The following PABPC4 variants were observed in gnomAD, a reference collection of about 807,000 sequenced individuals.
PABPC4 encodes the protein poly(A) binding protein cytoplasmic 4.
PABPC4 carries 15 observed loss-of-function variants against 74.5 expected under a neutral mutation model. The ratio of observed to expected loss-of-function variants is 0.20; its 90% confidence interval spans 0.13 to 0.31. The LOEUF is 0.31. Among genes scored for constraint, PABPC4 ranks in the 10% least tolerant of loss-of-function variants. PABPC4 has a pLI of 1.00. For missense variants in PABPC4, 610 were observed against 853.5 expected (o/e 0.71, Z 3.55); for synonymous variants, 345 against 303.0 (o/e 1.14, Z -1.44).
chr1:39,565,407 A>G, intron 7 of PABPC4, 29 bp from the exon 8 acceptor site: 2 of 1,591,674 alleles, frequency 1.3e-6, no homozygotes, highest in Non-Finnish European at 1.7e-6. Flanking sequence ...TACTTAAGAA[A>G]TAAGGTGTCC....
At chr1:39,569,048 T>C in intron 5 of PABPC4, 109 bp from the exon 6 acceptor site, 1 of 1,127,980 alleles carries the variant, frequency 8.9e-7, no homozygotes, top group Non-Finnish European at 1.3e-6. Context: ...AAAACTAAAT[T>C]CACTCCACCT....
intron 4 of PABPC4, 35 bp downstream of exon 4, chr1:39,569,828 T>C (rs748873176): frequency 1.2e-6 from 2 of 1,611,938 alleles, no homozygotes; most frequent in Non-Finnish European, 8.5e-7. Flanking sequence ...ATGGGTCTGG[T>C]AGACTGTGAA....
intron 12 of PABPC4, chr1:39,562,661 C>T (rs762167478): frequency 5.1e-5 from 22 of 429,284 alleles, no homozygotes; most frequent in Non-Finnish European, 3.7e-5. Flanking sequence ...CGAAGTGAAA[C>T]GTAAATAATA....
At chr1:39,574,499 CAA>C (rs1352190514) in intron 1 of PABPC4, among the ~76,000 whole-genome samples, 8 of 152,176 alleles carry the variant, frequency 5.3e-5, no homozygotes, top group Non-Finnish European at 4.4e-5. Context: ...GACTTTTGTT[CAA>C]AAGTCAGTAA....
At position 39,568,957 on chromosome 1, in the gene PABPC4, G is replaced by A; in HGVS notation, c.739-18C>T. On this transcript the variant is annotated intron_variant, in intron 5 of 15. Transcript: ENST00000372858. ...TCCACAGCCTAGAGAGGAAAAATAT[G>A]TCTTTAAAATAAAGTTGCAGCGATG... The A allele has an allele frequency of 6.2e-7, 1 of 1,600,486 alleles. No homozygotes were observed. The highest frequency in any genetic ancestry group is 8.5e-7 in the Non-Finnish European group (1 of 1,175,238).
At chr1:39,575,172 A>C (rs984541468) in intron 1 of PABPC4, among the ~76,000 whole-genome samples, 3 of 152,212 alleles carry the variant, frequency 2.0e-5, no homozygotes, top group Non-Finnish European at 4.4e-5. Context: ...GCAAACACAC[A>C]GACCAAGGAG....
At position 39,562,208 on chromosome 1, in the gene PABPC4, G is replaced by T; in HGVS notation, c.1763-5C>A. 1 of 1,614,070 alleles carries T rather than the reference G, an allele frequency of 6.2e-7. No individual in the cohort carries two copies. On this transcript the variant is annotated splice_polypyrimidine_tract_variant and splice_region_variant and intron_variant, in intron 13 of 15. Transcript: ENST00000372858. ...TGAGTGGGAACAAGCGTTCTCCTAT[G>T]GGGAGGATAGTTAATAAAAAAACAA...
chr1:39,564,436 G>T lies in PABPC4; in HGVS notation c.1440C>A (p.Thr480=). 1 of 1,613,924 alleles carries T rather than the reference G, an allele frequency of 6.2e-7. No individual in the cohort carries two copies. Among genetic ancestry groups the T allele is most frequent in the Middle Eastern group, 1.7e-4 (1 of 5,856 alleles). Residue 480 remains threonine (T), a synonymous_variant, in exon 10 of 16, where the codon ACC becomes ACA. Transcript: ENST00000372858. ...NAPASRGLPT[T]TQRVGSECPD... is the part of the protein sequence containing the mutation. ...CAGTTTGCTCACCGACTCTCTGAGT[G>T]GTAGTAGGGAGGCCACGAGAGGCCG...
intron 2 of PABPC4, 74 bp downstream of exon 2, chr1:39,572,319 T>C: frequency 2.6e-6 from 3 of 1,140,530 alleles, no homozygotes; most frequent in South Asian, 1.4e-5. Flanking sequence ...TCCAAGATAG[T>C]TCTCTGTTTG....
chr1:39,563,905 G>A lies in PABPC4; in HGVS notation c.1471C>T (p.Arg491Cys), dbSNP rs1645797827. The change falls in exon 11 of 16, where the codon CGC (arginine) becomes TGC (cysteine). Residue 491 changes from arginine (R) to cysteine (C), a missense_variant. Transcript: ENST00000372858. ...TQRVGSECPD[R>C]LAMDFGGAGA... is the part of the protein sequence containing the mutation. ...GCCCCACCAAAGTCCATAGCCAAGC[G>A]GTCCGGGCACTCAGACCCTACAACA... 10 of 1,614,074 alleles carry A rather than the reference G, an allele frequency of 6.2e-6. No homozygotes were observed. Among genetic ancestry groups the A allele is most frequent in the Non-Finnish European group, 8.5e-6 (10 of 1,180,058 alleles).
intron 1 of PABPC4, among the ~76,000 whole-genome samples, chr1:39,574,305 T>C (rs986263419): frequency 1.3e-5 from 2 of 152,188 alleles, no homozygotes; most frequent in African/African-American, 4.8e-5. Flanking sequence ...ACTATTTCAT[T>C]AATTAGCAGT....
intron 2 of PABPC4, 36 bp downstream of exon 2, chr1:39,572,353 CAATT>C (rs1570397241): frequency 1.4e-6 from 2 of 1,396,606 alleles, no homozygotes; most frequent in East Asian, 4.6e-5. Flanking sequence ...TTTCAAGAAT[CAATT>C]AATTATTCTG....
At chr1:39,565,465 G>T in intron 7 of PABPC4, 87 bp from the exon 8 acceptor site, 1 of 1,391,280 alleles carries the variant, frequency 7.2e-7, no homozygotes, top group Non-Finnish European at 9.8e-7. Flanking sequence ...ACTTTGGAAG[G>T]CTGAGGTGGG....
intron 7 of PABPC4, among the ~76,000 whole-genome samples, chr1:39,565,824 T>G (rs1645828781): frequency 7.2e-6 from 1 of 139,848 alleles, no homozygotes; most frequent in African/African-American, 2.8e-5. Context: ...CGAGACTCCA[T>G]CTCCAAAACA....
At chr1:39,565,752 C>T (rs768865624) in intron 7 of PABPC4, among the ~76,000 whole-genome samples, 7 of 152,070 alleles carry the variant, frequency 4.6e-5, no homozygotes, top group Admixed American at 3.9e-4. Flanking sequence ...CGCTTCAACC[C>T]GGGAGACAGA....
intron 3 of PABPC4, 162 bp downstream of exon 3, chr1:39,571,072 C>T: frequency 6.6e-7 from 1 of 1,510,036 alleles, no homozygotes; most frequent in Non-Finnish European, 8.8e-7. Context: ...AAAAGGGCTG[C>T]CACGGCTCAG....
At chr1:39,571,534 G>A (rs17572434) in intron 2 of PABPC4, 185 bp from the exon 3 acceptor site, 21,790 of 628,518 alleles carry the variant, frequency 0.035, 548 homozygotes, top group Non-Finnish European at 0.047. Context: ...CATTTACAAA[G>A]GTAGCCCTAC....
chr1:39,569,700 A>C lies in PABPC4; in HGVS notation c.644-11T>G. On this transcript the variant is annotated splice_polypyrimidine_tract_variant and intron_variant, in intron 4 of 15. Coordinates refer to ENST00000372858, the MANE Select transcript of PABPC4 (RefSeq NM_001135653.2). ...CACTTAGGGTCTTACCTATTACCAAAGGACAGAACTATTAGTAACACCATC... is the reference window on the plus strand; with the variant it reads ...CACTTAGGGTCTTACCTATTACCAACGGACAGAACTATTAGTAACACCATC... 2 of 1,606,376 alleles carry C rather than the reference A, an allele frequency of 1.2e-6. No individual in the cohort carries two copies. The highest frequency in any genetic ancestry group is 2.2e-5 in the South Asian group (2 of 90,892).
chr1:39,564,322 T>G, intron 10 of PABPC4, 101 bp downstream of exon 10: 3 of 1,376,232 alleles, frequency 2.2e-6, no homozygotes, highest in Non-Finnish European at 3.0e-6. Context: ...GAACCAGGAC[T>G]CGATAAATTC....
Sources: allele counts gnomAD v4.1 joint callset (sites outside exome capture counted in the v4.1 genomes callset), GRCh38; gene constraint gnomAD v4.1.1; transcripts MANE v1.5; gene names NCBI Gene and HGNC (gene_info 2026-07-23, HGNC 2026-07-21).